Variants in FGD4 observed in about 807,000 individuals in gnomAD.
FGD4 encodes FYVE, RhoGEF and PH domain-containing protein 4.
Under a neutral mutation model 102.0 loss-of-function variants are expected in FGD4, and 42 were observed. That is an observed-to-expected ratio of 0.41 (90% CI 0.32 to 0.53). The LOEUF is 0.53. Ranked by LOEUF, FGD4 falls within the 20% of genes least tolerant of loss-of-function variation. The probability of loss-of-function intolerance (pLI) is 0.21; values close to 1 mark genes in which losing one functional copy is unlikely to be tolerated. For synonymous variants in FGD4, 380 were observed against 375.7 expected (o/e 1.01, Z -0.13); for missense variants, 902 against 1,078.2 (o/e 0.84, Z 2.29).
chr12:32,575,535 A>G (rs912804579), intron 2 of FGD4, among the ~76,000 whole-genome samples: 1 of 152,198 alleles, frequency 6.6e-6, no homozygotes, highest in African/African-American at 2.4e-5. Context: ...CCCCTCCTAT[A>G]GTTCCCACCT....
chr12:32,434,132 G>T (rs1217518795), intron 1 of FGD4, among the ~76,000 whole-genome samples: 2 of 152,176 alleles, frequency 1.3e-5, no homozygotes, highest in Non-Finnish European at 2.9e-5. Flanking sequence ...GGGATTACAG[G>T]CATGAACCAC....
chr12:32,459,368 A>G (rs1305439259), intron 1 of FGD4, among the ~76,000 whole-genome samples: 3 of 151,584 alleles, frequency 2.0e-5, no homozygotes, highest in Non-Finnish European at 4.4e-5. Context: ...TAATTTTTGT[A>G]TTTTTAGTAG....
intron 5 of FGD4, among the ~76,000 whole-genome samples, chr12:32,599,305 T>C (rs1245295066): frequency 1.3e-5 from 2 of 148,850 alleles, no homozygotes; most frequent in South Asian, 4.3e-4. Context: ...CCATCCTGGC[T>C]AACACGGTGA....
At position 32,604,936 on chromosome 12, in the gene FGD4, C is replaced by CTTTTTTTTTTTTTTTTTTTTTTT. The variant is rs575943561; in HGVS notation, c.1404+2638_1404+2639insTTTTTTTTTTTTTTTTTTTTTTT. On this transcript the variant is annotated intron_variant, in intron 7 of 16. Coordinates refer to ENST00000534526, the MANE Select transcript of FGD4 (RefSeq NM_001370298.3). ...TCAATTTTATCTAGCTTTATAGCTG[C>CTTTTTTTTTTTTTTTTTTTTTTT]TTTTTTTTTTTTTTTTTTTGGAGTT... Among the ~76,000 whole-genome samples, 5 of 94,520 alleles carry CTTTTTTTTTTTTTTTTTTTTTTT rather than the reference C, an allele frequency of 5.3e-5. 1 individual carries two copies. The highest frequency in any genetic ancestry group is 1.0e-4 in the African/African-American group (2 of 20,024). 62.0% of individuals were successfully genotyped at this position (94,520 alleles called of 152,430 possible).
At chr12:32,621,143 G>C (rs111411780) in intron 11 of FGD4, among the ~76,000 whole-genome samples, 6,937 of 152,066 alleles carry the variant, frequency 0.046, 340 homozygotes, top group African/African-American at 0.12. Flanking sequence ...GGGAGGCTGA[G>C]GTAGGAGGAT....
intron 4 of FGD4, among the ~76,000 whole-genome samples, chr12:32,596,801 G>A (rs1947928559): frequency 6.6e-6 from 1 of 151,776 alleles, no homozygotes; most frequent in Non-Finnish European, 1.5e-5. Flanking sequence ...CGGCCGTCGT[G>A]GTGCATGCCT....
chr12:32,531,303 A>T (rs1028695982), intron 1 of FGD4, among the ~76,000 whole-genome samples: 5 of 152,226 alleles, frequency 3.3e-5, no homozygotes, highest in African/African-American at 7.2e-5. Context: ...TAAATTTTTT[A>T]AAATTAAAAG....
rs530765248 is a variant in FGD4 at position 32,612,324 on chromosome 12, C to T, written c.1749+1041C>T. ...CCCGGACCCTGTGCTCGCTCATTCA[C>T]GTACCCCTTGCTGCTCCAGGCTCGC... On this transcript the variant is annotated intron_variant, in intron 10 of 16. Transcript: ENST00000534526. Among the ~76,000 whole-genome samples the T allele has an allele frequency of 4.6e-5, 7 of 152,356 alleles. No homozygotes were observed. The South Asian group carries it at 8.3e-4, about 18-fold the overall frequency.
intron 1 of FGD4, among the ~76,000 whole-genome samples, chr12:32,522,627 G>A (rs183297327): frequency 6.6e-6 from 1 of 152,290 alleles, no homozygotes; most frequent in South Asian, 2.1e-4. Context: ...GAAGCTGCAT[G>A]GTTATTTCAA....
chr12:32,619,637 A>G (rs957547215), intron 10 of FGD4, 61 bp from the exon 11 acceptor site: 1 of 1,595,294 alleles, frequency 6.3e-7, no homozygotes, highest in African/African-American at 1.3e-5. Context: ...GTCTCAAAAA[A>G]AAACCTGATC....
At chr12:32,433,461 G>T (rs1942120632) in intron 1 of FGD4, among the ~76,000 whole-genome samples, 1 of 151,938 alleles carries the variant, frequency 6.6e-6, no homozygotes, top group Non-Finnish European at 1.5e-5. Context: ...CGATTCTCCT[G>T]CCTCAGCCTC....
intron 1 of FGD4, among the ~76,000 whole-genome samples, chr12:32,450,517 A>G (rs947566847): frequency 6.6e-6 from 1 of 152,164 alleles, no homozygotes; most frequent in African/African-American, 2.4e-5. Flanking sequence ...GAGCATGTCT[A>G]GCTGACACAA....
At chr12:32,503,954 G>C (rs1938453618) in intron 1 of FGD4, among the ~76,000 whole-genome samples, 1 of 110,806 alleles carries the variant, frequency 9.0e-6, no homozygotes, top group Admixed American at 8.1e-5. Context: ...TAGTTACCCA[G>C]AGCATTGGGG....
intron 1 of FGD4, among the ~76,000 whole-genome samples, chr12:32,446,878 A>T (rs1474375627): frequency 6.6e-6 from 1 of 152,174 alleles, no homozygotes; most frequent in Non-Finnish European, 1.5e-5. Context: ...TTCCTGGAGC[A>T]CAGGTAGGAT....
At chr12:32,556,016 A>G (rs1219747795) in intron 1 of FGD4, among the ~76,000 whole-genome samples, 1 of 150,660 alleles carries the variant, frequency 6.6e-6, no homozygotes, top group Non-Finnish European at 1.5e-5. Context: ...TTTTTTTTTT[A>G]CTTTTTGTAG....
chr12:32,629,800 A>C (rs938753478), intron 14 of FGD4, among the ~76,000 whole-genome samples: 6 of 152,038 alleles, frequency 3.9e-5, no homozygotes, highest in African/African-American at 1.2e-4. Flanking sequence ...GTTGTTTGCC[A>C]CTTTATGTTT....
At chr12:32,469,728 C>T (rs984428195) in intron 1 of FGD4, among the ~76,000 whole-genome samples, 5 of 151,760 alleles carry the variant, frequency 3.3e-5, no homozygotes, top group African/African-American at 7.3e-5. Flanking sequence ...GGCATAATCT[C>T]GACTCATCGC....
At chr12:32,520,807 G>A (rs935596698) in intron 1 of FGD4, among the ~76,000 whole-genome samples, 2 of 152,042 alleles carry the variant, frequency 1.3e-5, no homozygotes, top group African/African-American at 4.8e-5. Flanking sequence ...CATTGTGTGC[G>A]AATATGCATA....
chr12:32,443,079 C>G (rs1942497700), intron 1 of FGD4, among the ~76,000 whole-genome samples: 1 of 152,146 alleles, frequency 6.6e-6, no homozygotes, highest in African/African-American at 2.4e-5. Context: ...TAACCTCTTA[C>G]CAGATGTATG....
Sources: gnomAD v4.1 joint callset for allele counts (sites outside exome capture counted in the v4.1 genomes callset) on GRCh38, gnomAD v4.1.1 for gene constraint, MANE v1.5 for transcripts, NCBI Gene and HGNC (gene_info 2026-07-23, HGNC 2026-07-21) for gene names.